Variants in BRWD3 observed in about 807,000 individuals in gnomAD.
The protein encoded by BRWD3 is bromodomain and WD repeat domain containing 3, also known as bromodomain and WD repeat-containing protein 3.
A neutral mutation model predicts 149.7 loss-of-function variants in BRWD3; 10 were observed. The ratio of observed to expected loss-of-function variants is 0.07; its 90% CI spans 0.04 to 0.11. The LOEUF (loss-of-function observed/expected upper bound fraction) is 0.11, where lower values mean the gene tolerates loss of function less well. Ranked by LOEUF, BRWD3 falls within the 10% of genes least tolerant of loss-of-function variation. The probability of loss-of-function intolerance (pLI) is 1.00; values close to 1 mark genes in which losing one functional copy is unlikely to be tolerated. For missense variants in BRWD3, 940 were observed against 1,373.2 expected (o/e 0.68, Z 4.99); for synonymous variants, 504 against 456.7 (o/e 1.10, Z -1.32).
chrX:80,723,305 A>G (rs951122994), intron 16 of BRWD3, among the ~76,000 whole-genome samples: 5 of 108,460 alleles, frequency 4.6e-5, no homozygotes, highest in African/African-American at 1.6e-4. Context: ...ACAGCTAATA[A>G]AACATAAAGA....
At chrX:80,758,250 C>T (rs969136677) in intron 6 of BRWD3, among the ~76,000 whole-genome samples, 1 of 111,685 alleles carries the variant, frequency 9.0e-6, no homozygotes, top group African/African-American at 3.3e-5. Context: ...TCTCTGTCCT[C>T]GTGGAATTTA....
At chrX:80,793,848 T>C in intron 4 of BRWD3, 76 bp from the exon 5 acceptor site, 2 of 984,286 alleles carry the variant, frequency 2.0e-6, no homozygotes, top group South Asian at 4.1e-5. Context: ...CACTACTAAA[T>C]TGTTCCATTC....
rs2074393155 is a variant in BRWD3, at chrX:80,809,760, AGAGAG to A, written c.-294_-290del. 6.5e-5 allele frequency: 2 copies of A among 30,714 alleles called. No individual in the cohort carries two copies. Among genetic ancestry groups the A allele is most frequent in the African/African-American group, 8.3e-4 (2 of 2,397 alleles). 2.5% of individuals were successfully genotyped at this position (30,714 alleles called of 1,213,427 possible). On this transcript the variant is annotated 5_prime_UTR_variant, in exon 1 of 41. Coordinates refer to ENST00000373275, the MANE Select transcript of BRWD3 (RefSeq NM_153252.5). ...GAAGAGAGAGAGAGAGAGAGGAAAA[AGAGAG>A]AGAGAGAGAGAGAGAGAGAGAGAGA... is the stretch of plus-strand genomic sequence containing the variant.
chrX:80,798,621 C>CG (rs1392384350), intron 4 of BRWD3, among the ~76,000 whole-genome samples: 3 of 98,930 alleles, frequency 3.0e-5, no homozygotes, highest in East Asian at 3.3e-4. Context: ...GTGTATAATA[C>CG]GGGGAAAAAA....
intron 17 of BRWD3, among the ~76,000 whole-genome samples, chrX:80,720,646 T>C (rs1031773690): frequency 7.2e-5 from 8 of 111,818 alleles, no homozygotes; most frequent in Non-Finnish European, 1.5e-4. Context: ...ATATTGTTTA[T>C]ATACATTTAG....
chrX:80,766,109 A>T (rs989629607), intron 6 of BRWD3, among the ~76,000 whole-genome samples: 3 of 111,894 alleles, frequency 2.7e-5, no homozygotes, highest in Non-Finnish European at 5.6e-5. Flanking sequence ...AGTAAAGCAG[A>T]TTGCCCTCCC....
intron 22 of BRWD3, among the ~76,000 whole-genome samples, chrX:80,706,170 G>A (rs990541920): frequency 2.7e-5 from 3 of 109,975 alleles, no homozygotes; most frequent in Admixed American, 9.8e-5. Context: ...GTGCAATGGC[G>A]CAATCTCAGC....
At chrX:80,797,577 T>G (rs2147861862) in intron 4 of BRWD3, among the ~76,000 whole-genome samples, 1 of 111,897 alleles carries the variant, frequency 8.9e-6, no homozygotes, top group Admixed American at 9.6e-5. Context: ...GATTTTCAGC[T>G]AATTATATAA....
At chrX:80,767,029 C>T (rs756035775) in intron 6 of BRWD3, among the ~76,000 whole-genome samples, 9 of 112,661 alleles carry the variant, frequency 8.0e-5, no homozygotes, top group South Asian at 7.4e-4. Context: ...AGTCTGAGAT[C>T]GACCTGCAAG....
chrX:80,685,725 T>G lies in BRWD3; in HGVS notation c.4006-189A>C, dbSNP rs763747441. On this transcript the variant is annotated intron_variant, in intron 35 of 40. Transcript: ENST00000373275. ...TATGAAAAACACAAGACTAATTTAT[T>G]TTACCCAAATTCCCTACAAGCAAAC... Among the ~76,000 whole-genome samples the G allele has an allele frequency of 2.3e-4, 26 of 111,090 alleles. No individual in the cohort carries two copies. The East Asian group carries it at 6.8e-3, about 29-fold the overall frequency.
rs767128799 is a variant in BRWD3 at position 80,809,316 on chromosome X, G to A, written c.32-12C>T. ...CAGGTAATACAGCTCTGGGGAAGAG[G>A]GGGGAAAAGAGGTTCAGAGGGAGGT... On this transcript the variant is annotated splice_polypyrimidine_tract_variant and intron_variant, in intron 1 of 40. Coordinates refer to ENST00000373275, the MANE Select transcript of BRWD3 (RefSeq NM_153252.5). 4 of 1,186,629 alleles carry A rather than the reference G, an allele frequency of 3.4e-6. No homozygotes were observed. Among genetic ancestry groups the A allele is most frequent in the African/African-American group, 1.8e-5 (1 of 56,718 alleles).
chrX:80,676,969 A>G lies in BRWD3; in HGVS notation c.5049T>C (p.Ser1683=). 1 of 1,197,317 alleles carries G rather than the reference A, an allele frequency of 8.4e-7. No homozygotes were observed. The highest frequency in any genetic ancestry group is 1.1e-6 in the Non-Finnish European group (1 of 886,322). The change falls in exon 41 of 41, where the codon AGT becomes AGC. Residue 1683 remains serine, a synonymous_variant. Coordinates refer to ENST00000373275, the MANE Select transcript of BRWD3 (RefSeq NM_153252.5). ...RGRWGRWGRW[S]RGGRGRGGRG... is the part of the protein sequence containing the mutation. Reference sequence around the variant, plus strand: ...TGCCTCCTCTTCCTCTGCCTCCTCTACTCCATCTACCCCATCTTCCCCATC... The same window carrying G: ...TGCCTCCTCTTCCTCTGCCTCCTCTGCTCCATCTACCCCATCTTCCCCATC...
At chrX:80,680,969 C>CTTTT (rs904634410) in intron 40 of BRWD3, among the ~76,000 whole-genome samples, 33 of 74,751 alleles carry the variant, frequency 4.4e-4, no homozygotes, top group East Asian at 9.1e-4. Flanking sequence ...CATGTGGCTA[C>CTTTT]TTTTTTTTTT....
intron 9 of BRWD3, among the ~76,000 whole-genome samples, chrX:80,735,697 G>T (rs1237172952): frequency 9.4e-6 from 1 of 106,450 alleles, no homozygotes; most frequent in East Asian, 2.9e-4. Context: ...CCAGCTGCTT[G>T]GGAGGCTGAG....
At chrX:80,735,714 G>A (rs1196221130) in intron 9 of BRWD3, among the ~76,000 whole-genome samples, 1 of 104,792 alleles carries the variant, frequency 9.5e-6, no homozygotes, top group Non-Finnish European at 1.9e-5. Context: ...TGAGGCAGGA[G>A]AATGGCATGA....
rs1602444557 is a variant in BRWD3 at position 80,793,750 on chromosome X, G to A, written c.203C>T (p.Pro68Leu). 8.3e-7 allele frequency: 1 copy of A among 1,207,165 alleles called. No homozygotes were observed. The highest frequency in any genetic ancestry group is 1.8e-5 in the South Asian group (1 of 56,769). ...ACAAATTTTAAGGAGGTAGTCTGGAGGAATGTGTGCATTTGCTGCCACCTA... is the reference window on the plus strand; with the variant it reads ...ACAAATTTTAAGGAGGTAGTCTGGAAGAATGTGTGCATTTGCTGCCACCTA... ...EDLVAANAHI[P>L]PDYLLKICER... The change falls in exon 5 of 41, where the codon CCT becomes CTT. Residue 68 changes from proline to leucine, a missense_variant. Transcript: ENST00000373275.
chrX:80,743,044 GCT>G (rs2073539262), intron 8 of BRWD3, among the ~76,000 whole-genome samples: 1 of 111,558 alleles, frequency 9.0e-6, no homozygotes, highest in Admixed American at 9.5e-5. Context: ...GTCACAGATA[GCT>G]CTTATTATTT....
At chrX:80,791,730 C>A in intron 6 of BRWD3, 124 bp downstream of exon 6, 1 of 505,746 alleles carries the variant, frequency 2.0e-6, no homozygotes, top group East Asian at 3.8e-5. Context: ...CATGAAACTC[C>A]TCAGGAATGT....
At position 80,672,214 on chromosome X, in the gene BRWD3, A is replaced by C. The variant is rs1264533610; in HGVS notation, c.*4395T>G. 1 of 110,040 alleles carries C rather than the reference A, an allele frequency of 9.1e-6. No homozygotes were observed. The highest frequency in any genetic ancestry group is 3.3e-5 in the African/African-American group (1 of 30,196). 9.1% of individuals were successfully genotyped at this position (110,040 alleles called of 1,213,427 possible). ...TCCCATCAATGAATCAAAAATTGCC[A>C]ATCTTAAGTGTGGTAAATTAGGTGC... On this transcript the variant is annotated 3_prime_UTR_variant, in exon 41 of 41. Coordinates refer to ENST00000373275, the MANE Select transcript of BRWD3 (RefSeq NM_153252.5).
Sources: allele counts gnomAD v4.1 joint callset (sites outside exome capture counted in the v4.1 genomes callset), GRCh38; gene constraint gnomAD v4.1.1; transcripts MANE v1.5; gene names NCBI Gene and HGNC (gene_info 2026-07-23, HGNC 2026-07-21).